LHFPL6: variants seen among roughly 807,000 people sequenced by gnomAD.
LHFPL6 encodes LHFPL tetraspan subfamily member 6 protein.
A neutral mutation model predicts 20.6 loss-of-function variants in LHFPL6; 9 were observed. The observed-to-expected ratio is 0.44, with a 90% CI of 0.26 to 0.76. The LOEUF (loss-of-function observed/expected upper bound fraction) is 0.76. LHFPL6 is among the 30% of genes least tolerant of loss of function. The probability of loss-of-function intolerance (pLI) is 0.20; values close to 1 mark genes in which losing one functional copy is unlikely to be tolerated. For synonymous variants in LHFPL6, 105 were observed against 98.7 expected, an observed-to-expected ratio of 1.06 and a Z score of -0.38; for missense variants, 218 against 253.5, an observed-to-expected ratio of 0.86 and a Z score of 0.95.
At position 39,386,521 on chromosome 13, in the gene LHFPL6, G is replaced by C. The variant is rs116924809; in HGVS notation, c.386-7995C>G. Among the ~76,000 whole-genome samples, 796 of 152,280 alleles carry C rather than the reference G, an allele frequency of 5.2e-3. 3 individuals carry two copies. The highest frequency in any genetic ancestry group is 8.4e-3 in the Non-Finnish European group (571 of 68,014). On this transcript the variant is annotated intron_variant, in intron 2 of 3. Coordinates refer to ENST00000379589, the MANE Select transcript of LHFPL6 (RefSeq NM_005780.3). ...CCCGGGCCTCCTGGATCCTAGGCCAGAGCTCTTTTTCCACCTATCATGATC... is the reference window on the plus strand; with the variant it reads ...CCCGGGCCTCCTGGATCCTAGGCCACAGCTCTTTTTCCACCTATCATGATC...
intron 2 of LHFPL6, among the ~76,000 whole-genome samples, chr13:39,432,079 C>G (rs1871826414): frequency 6.6e-6 from 1 of 152,134 alleles, no homozygotes; most frequent in African/African-American, 2.4e-5. Flanking sequence ...CCCTTTTACC[C>G]TTCTGTCCCT....
At chr13:39,564,380 T>A (rs1033932844) in intron 2 of LHFPL6, among the ~76,000 whole-genome samples, 2 of 152,216 alleles carry the variant, frequency 1.3e-5, no homozygotes, top group Non-Finnish European at 2.9e-5. Flanking sequence ...GTATGTGCTC[T>A]CTATCTCAAA....
chr13:39,388,321 C>T (rs1285047920), intron 2 of LHFPL6, among the ~76,000 whole-genome samples: 2 of 152,172 alleles, frequency 1.3e-5, no homozygotes, highest in Admixed American at 6.5e-5. Context: ...AAAATACTTG[C>T]TCCTTAGCTC....
intron 2 of LHFPL6, among the ~76,000 whole-genome samples, chr13:39,405,187 T>C (rs1460973538): frequency 1.3e-5 from 2 of 151,294 alleles, no homozygotes; most frequent in Non-Finnish European, 3.0e-5. Context: ...AAACTGAGCA[T>C]GGACGGTCTA....
chr13:39,522,178 G>A (rs916231300), intron 2 of LHFPL6, among the ~76,000 whole-genome samples: 10 of 152,148 alleles, frequency 6.6e-5, no homozygotes, highest in African/African-American at 1.2e-4. Flanking sequence ...CATATGCCAG[G>A]CACTGTGCAA....
intron 2 of LHFPL6, among the ~76,000 whole-genome samples, chr13:39,599,190 C>A (rs1872855538): frequency 1.3e-5 from 2 of 152,096 alleles, no homozygotes; most frequent in Admixed American, 1.3e-4. Context: ...TAATAGCAGG[C>A]CCTGCCCTAA....
At chr13:39,405,060 C>T (rs641027) in intron 2 of LHFPL6, among the ~76,000 whole-genome samples, 132,606 of 152,250 alleles carry the variant, frequency 0.87, 57,829 homozygotes, top group Admixed American at 0.92. Flanking sequence ...GCATATGTAA[C>T]ATAAGAGAGC....
At chr13:39,591,210 G>T (rs1872581758) in intron 2 of LHFPL6, among the ~76,000 whole-genome samples, 1 of 152,078 alleles carries the variant, frequency 6.6e-6, no homozygotes, top group Non-Finnish European at 1.5e-5. Context: ...TGGCAAAAAA[G>T]AAACTAGATC....
chr13:39,472,702 G>T (rs1031257746), intron 2 of LHFPL6, among the ~76,000 whole-genome samples: 1 of 151,986 alleles, frequency 6.6e-6, no homozygotes, highest in Non-Finnish European at 1.5e-5. Context: ...TCCGCCTCCT[G>T]GGTTCAAGTG....
intron 2 of LHFPL6, among the ~76,000 whole-genome samples, chr13:39,411,658 T>A (rs1871243014): frequency 6.6e-6 from 1 of 152,224 alleles, no homozygotes. Context: ...AAAGGCGCTA[T>A]GATTACTGGG....
chr13:39,432,937 C>A (rs1314845431), intron 2 of LHFPL6, among the ~76,000 whole-genome samples: 2 of 152,158 alleles, frequency 1.3e-5, no homozygotes, highest in Non-Finnish European at 1.5e-5. Flanking sequence ...AGAATACATA[C>A]CTTGTTAATA....
intron 2 of LHFPL6, among the ~76,000 whole-genome samples, chr13:39,596,262 T>C (rs753422575): frequency 6.6e-6 from 1 of 152,074 alleles, no homozygotes; most frequent in Non-Finnish European, 1.5e-5. Flanking sequence ...AGACCCCCTT[T>C]ATAGCTCAAT....
Position 39,601,133 on chromosome 13 carries a change from A to G in LHFPL6, c.84T>C (p.Phe28=), listed in dbSNP as rs779553990. The change falls in exon 2 of 4, where the codon TTT becomes TTC. Residue 28 remains phenylalanine, a synonymous_variant. Transcript: ENST00000379589. ...GTGATCCCCAGAGCCAGTAAGGCAT[A>G]AAGAACCCCACGCAGGAGGTGGCAG... ...LCAATSCVGF[F]MPYWLWGSQL... 6 of 1,614,054 alleles carry G rather than the reference A, an allele frequency of 3.7e-6. No homozygotes were observed. Among genetic ancestry groups the G allele is most frequent in the East Asian group, 2.2e-5 (1 of 44,878 alleles).
At chr13:39,483,225 GA>G (rs1315960321) in intron 2 of LHFPL6, among the ~76,000 whole-genome samples, 6 of 139,970 alleles carry the variant, frequency 4.3e-5, no homozygotes, top group Non-Finnish European at 8.9e-5. Context: ...ACATTAAAAA[GA>G]GGAAAATTTT....
At chr13:39,441,139 T>C (rs1872118354) in intron 2 of LHFPL6, among the ~76,000 whole-genome samples, 1 of 37,574 alleles carries the variant, frequency 2.7e-5, no homozygotes, top group Non-Finnish European at 4.5e-5. Flanking sequence ...GCCAACTAAT[T>C]TTTTTTTTTT....
At chr13:39,477,521 A>G (rs952466772) in intron 2 of LHFPL6, among the ~76,000 whole-genome samples, 1 of 152,190 alleles carries the variant, frequency 6.6e-6, no homozygotes, top group Non-Finnish European at 1.5e-5. Flanking sequence ...TGACCCTGTT[A>G]CTGAATCCCC....
chr13:39,437,413 C>T (rs1871990955), intron 2 of LHFPL6, among the ~76,000 whole-genome samples: 1 of 152,162 alleles, frequency 6.6e-6, no homozygotes, highest in Admixed American at 6.5e-5. Flanking sequence ...AGCACCTCCC[C>T]ACTCCCTCTT....
intron 3 of LHFPL6, among the ~76,000 whole-genome samples, chr13:39,348,704 T>C (rs1380505242): frequency 6.6e-6 from 1 of 152,186 alleles, no homozygotes; most frequent in Non-Finnish European, 1.5e-5. Context: ...TGTAAGTTTC[T>C]ACCATTGTCA....
chr13:39,543,282 G>A (rs1485636567), intron 2 of LHFPL6, among the ~76,000 whole-genome samples: 2 of 152,140 alleles, frequency 1.3e-5, no homozygotes, highest in Non-Finnish European at 2.9e-5. Context: ...GGAATTTACT[G>A]TCTAGCAAAG....
Sources: gnomAD v4.1 joint callset for allele counts (sites outside exome capture counted in the v4.1 genomes callset) on GRCh38, gnomAD v4.1.1 for gene constraint, MANE v1.5 for transcripts, NCBI Gene and HGNC (gene_info 2026-07-23, HGNC 2026-07-21) for gene names.